Variants in SGCD observed in about 807,000 individuals in gnomAD.
The protein encoded by SGCD is delta-sarcoglycan.
In SGCD, 18 loss-of-function variants were observed where a neutral mutation model predicts 36.6. The observed-to-expected ratio is 0.49, with a 90% CI of 0.34 to 0.73. The LOEUF is 0.73. Ranked by LOEUF, SGCD falls within the 30% of genes least tolerant of loss-of-function variation. The pLI, the probability that SGCD is intolerant of heterozygous loss-of-function variation, is 0.01. For synonymous variants in SGCD, 133 were observed against 130.6 expected (o/e 1.02, Z -0.12); for missense variants, 387 against 346.7 (o/e 1.12, Z -0.92).
At chr5:156,197,924 T>C (rs1330534604) in intron 3 of SGCD, among the ~76,000 whole-genome samples, 4 of 152,122 alleles carry the variant, frequency 2.6e-5, no homozygotes, top group Non-Finnish European at 5.9e-5. Flanking sequence ...CCTCACCTAC[T>C]TACGTAATTA....
chr5:156,344,907 T>C (rs1021877231), intron 3 of SGCD, among the ~76,000 whole-genome samples: 1 of 152,232 alleles, frequency 6.6e-6, no homozygotes, highest in Non-Finnish European at 1.5e-5. Flanking sequence ...TTCCCTCCTT[T>C]AGAATCTCCT....
At chr5:156,502,430 G>A (rs907092538) in intron 3 of SGCD, among the ~76,000 whole-genome samples, 1 of 152,246 alleles carries the variant, frequency 6.6e-6, no homozygotes, top group African/African-American at 2.4e-5. Context: ...ACAATCCTGG[G>A]CTCAAGTGAT....
chr5:156,275,671 C>T (rs996150149), intron 3 of SGCD, among the ~76,000 whole-genome samples: 1 of 152,092 alleles, frequency 6.6e-6, no homozygotes, highest in African/African-American at 2.4e-5. Flanking sequence ...TTAGGAGAGA[C>T]AAAATGTTCT....
At chr5:156,343,771 C>T (rs188898733) in intron 2 of SGCD, among the ~76,000 whole-genome samples, 88 of 152,284 alleles carry the variant, frequency 5.8e-4, no homozygotes, top group Non-Finnish European at 2.4e-4. Context: ...CATTAGCCTA[C>T]GAGCTAATGT....
intron 3 of SGCD, among the ~76,000 whole-genome samples, chr5:156,441,195 A>G (rs1478644239): frequency 6.6e-6 from 1 of 152,146 alleles, no homozygotes. Context: ...TACTCTGAGC[A>G]TGGTAAAGCC....
chr5:156,634,243 T>A (rs577173784), intron 6 of SGCD, among the ~76,000 whole-genome samples: 1 of 135,972 alleles, frequency 7.4e-6, no homozygotes, highest in Non-Finnish European at 1.6e-5. Flanking sequence ...AAAACTCCAA[T>A]GCGTCACTGG....
At chr5:156,295,640 G>A (rs1372041804) in intron 3 of SGCD, among the ~76,000 whole-genome samples, 1 of 152,156 alleles carries the variant, frequency 6.6e-6, no homozygotes, top group Non-Finnish European at 1.5e-5. Flanking sequence ...ATTTGCTAGT[G>A]GATGATTACA....
chr5:155,856,872 C>G, the SGCD span, among the ~76,000 whole-genome samples: 1 of 152,170 alleles, frequency 6.6e-6, no homozygotes, highest in Admixed American at 6.5e-5. Flanking sequence ...TGTGGAGCAA[C>G]ATGACTCTCA....
In SGCD at chr5:156,254,832, G is replaced by A. The variant is rs565229368; in HGVS notation, c.-43-74702G>A. Among the ~76,000 whole-genome samples the A allele has an allele frequency of 3.9e-5, 6 of 152,268 alleles. No individual in the cohort carries two copies. In the South Asian group the frequency reaches 1.2e-3, roughly 32 times the overall value. On this transcript the variant is annotated intron_variant, in intron 3 of 9. Transcript: ENST00000517913. Reference sequence around the variant, plus strand: ...ACTGCACTCCAGCTTGGACGACACAGCAAGACCCTGCCTCTTAAATAAATA... The same window carrying A: ...ACTGCACTCCAGCTTGGACGACACAACAAGACCCTGCCTCTTAAATAAATA...
intron 1 of SGCD, among the ~76,000 whole-genome samples, chr5:155,882,794 T>C (rs1186377808): frequency 6.6e-6 from 1 of 152,202 alleles, no homozygotes; most frequent in Non-Finnish European, 1.5e-5. Flanking sequence ...TCAGTGACCA[T>C]TGGCTTCAAC....
At chr5:156,613,064 G>C (rs1261855106) in intron 6 of SGCD, among the ~76,000 whole-genome samples, 1 of 152,148 alleles carries the variant, frequency 6.6e-6, no homozygotes, top group African/African-American at 2.4e-5. Flanking sequence ...GCAGAGGTAC[G>C]GTGCTTTGCT....
chr5:156,736,013 C>A (rs574301794), intron 7 of SGCD, among the ~76,000 whole-genome samples: 7 of 152,118 alleles, frequency 4.6e-5, no homozygotes, highest in Admixed American at 1.3e-4. Context: ...TGGGATCACA[C>A]AATCACTCGC....
chr5:155,933,363 G>C (rs1046143635), intron 1 of SGCD, among the ~76,000 whole-genome samples: 2 of 152,094 alleles, frequency 1.3e-5, no homozygotes, highest in African/African-American at 2.4e-5. Flanking sequence ...GTACTTATCA[G>C]AAACTGCAAT....
chr5:155,852,116 C>T, the SGCD span, among the ~76,000 whole-genome samples: 13 of 152,298 alleles, frequency 8.5e-5, no homozygotes, highest in African/African-American at 3.1e-4. Flanking sequence ...TTTGCCTATT[C>T]CACCTGTATG....
chr5:156,169,871 G>A (rs575525173), intron 3 of SGCD, among the ~76,000 whole-genome samples: 4 of 152,170 alleles, frequency 2.6e-5, no homozygotes, highest in Admixed American at 6.5e-5. Flanking sequence ...GTCATGGGGG[G>A]TGGCATTCAC....
chr5:155,952,087 G>T (rs763686139), intron 1 of SGCD, among the ~76,000 whole-genome samples: 1 of 152,110 alleles, frequency 6.6e-6, no homozygotes, highest in Admixed American at 6.6e-5. Flanking sequence ...AGAATAAACA[G>T]GTGTTCATTG....
At chr5:156,730,019 A>G (rs1414884797) in intron 7 of SGCD, among the ~76,000 whole-genome samples, 1 of 152,220 alleles carries the variant, frequency 6.6e-6, no homozygotes, top group Non-Finnish European at 1.5e-5. Context: ...TGCATCTCCA[A>G]TACTTCAGCA....
chr5:156,406,801 TATATATATATATATATATACACACAC>T (rs1199023971), intron 3 of SGCD, among the ~76,000 whole-genome samples: 7 of 73,676 alleles, frequency 9.5e-5, no homozygotes, highest in East Asian at 5.0e-4. Context: ...TATATATATA[TATATATATATATATATATACACACAC>T]ACACACACAC....
At chr5:155,794,197 A>G in the SGCD span, among the ~76,000 whole-genome samples, 1 of 152,154 alleles carries the variant, frequency 6.6e-6, no homozygotes, top group African/African-American at 2.4e-5. Flanking sequence ...AGTCTCTGGT[A>G]ATCACCTCGA....
Sources: allele counts gnomAD v4.1 joint callset (sites outside exome capture counted in the v4.1 genomes callset), GRCh38; gene constraint gnomAD v4.1.1; transcripts MANE v1.5; gene names NCBI Gene and HGNC (gene_info 2026-07-23, HGNC 2026-07-21).